The following PPP2R5C variants were observed in gnomAD, a reference collection of about 807,000 sequenced individuals.
PPP2R5C encodes protein phosphatase 2 regulatory subunit B'gamma, also known as serine/threonine-protein phosphatase 2A 56 kDa regulatory subunit gamma isoform.
Under a neutral mutation model 68.9 loss-of-function variants are expected in PPP2R5C, and 7 were observed. The ratio of observed to expected loss-of-function variants is 0.10; its 90% CI spans 0.06 to 0.19. PPP2R5C has a LOEUF of 0.19. PPP2R5C is among the 10% of genes least tolerant of loss of function. The pLI is 1.00. For missense variants in PPP2R5C, 348 were observed against 641.3 expected, an observed-to-expected ratio of 0.54 and a Z score of 4.94; for synonymous variants, 210 against 222.2, an observed-to-expected ratio of 0.95 and a Z score of 0.49.
chr14:101,885,631 C>T (rs1290168391), intron 5 of PPP2R5C, among the ~76,000 whole-genome samples: 1 of 152,244 alleles, frequency 6.6e-6, no homozygotes. Flanking sequence ...GTGTGGCTTT[C>T]CTTTGAACTC....
chr14:101,775,916 C>T (rs991990618), intron 2 of PPP2R5C, among the ~76,000 whole-genome samples: 5 of 152,074 alleles, frequency 3.3e-5, no homozygotes, highest in Non-Finnish European at 1.5e-5. Flanking sequence ...GACCCCGTGT[C>T]TGTTCAGTGG....
chr14:101,896,300 G>C (rs1226768163), intron 8 of PPP2R5C, among the ~76,000 whole-genome samples: 1 of 152,056 alleles, frequency 6.6e-6, no homozygotes, highest in South Asian at 2.1e-4. Flanking sequence ...GATAACAGGC[G>C]TAAGCCACCA....
intron 3 of PPP2R5C, among the ~76,000 whole-genome samples, chr14:101,788,218 G>A (rs777149711): frequency 1.3e-5 from 2 of 152,210 alleles, no homozygotes; most frequent in Non-Finnish European, 2.9e-5. Context: ...AAGGTTGGCC[G>A]TGTGCCCCAT....
At chr14:101,789,596 T>A (rs908302633) in intron 3 of PPP2R5C, 1 of 152,258 alleles carries the variant, frequency 6.6e-6, no homozygotes, top group Non-Finnish European at 1.5e-5. Context: ...TAATTTTCTT[T>A]AGAATATTTG....
At chr14:101,840,482 C>CAAAAAA (rs10611025) in intron 1 of PPP2R5C, among the ~76,000 whole-genome samples, 1 of 51,876 alleles carries the variant, frequency 1.9e-5, no homozygotes, top group Non-Finnish European at 3.4e-5. Context: ...CCCCCACCAC[C>CAAAAAA]AAAAAAAAAA....
upstream of PPP2R5C, among the ~76,000 whole-genome samples, chr14:101,808,924 C>G (rs1373543009): frequency 2.6e-5 from 4 of 152,204 alleles, no homozygotes; most frequent in Non-Finnish European, 5.9e-5. Context: ...ATACTCCATC[C>G]AATTCAGAAA....
At chr14:101,812,873 G>T (rs1213199513) in intron 1 of PPP2R5C, among the ~76,000 whole-genome samples, 1 of 152,216 alleles carries the variant, frequency 6.6e-6, no homozygotes, top group East Asian at 1.9e-4. Context: ...CGATCGCTTT[G>T]ACCATTATTG....
chr14:101,896,643 A>AG (rs2045350693), intron 8 of PPP2R5C, among the ~76,000 whole-genome samples: 1 of 151,446 alleles, frequency 6.6e-6, no homozygotes, highest in Non-Finnish European at 1.5e-5. Context: ...CTCCAAAAAA[A>AG]AAAAAAAAAA....
intron 2 of PPP2R5C, among the ~76,000 whole-genome samples, chr14:101,865,511 C>A (rs949804792): frequency 1.3e-5 from 2 of 152,174 alleles, no homozygotes; most frequent in Non-Finnish European, 2.9e-5. Context: ...CCAAACCATG[C>A]GATAGAGTCA....
exon 14 of PPP2R5C, chr14:101,927,906 C>G (rs1566981201): frequency 6.6e-6 from 1 of 152,192 alleles, no homozygotes; most frequent in East Asian, 1.9e-4. Context: ...TTAATATGCT[C>G]TTTTATCTAA....
intron 1 of PPP2R5C, among the ~76,000 whole-genome samples, chr14:101,821,909 T>G (rs1274644364): frequency 6.6e-6 from 1 of 152,160 alleles, no homozygotes; most frequent in African/African-American, 2.4e-5. Flanking sequence ...AGGTCACTTA[T>G]GCTTCACCAA....
chr14:101,760,616 T>C (rs1410849614), upstream of PPP2R5C: 7 of 752,622 alleles, frequency 9.3e-6, no homozygotes, highest in Middle Eastern at 6.9e-4. Flanking sequence ...GACGGGACTG[T>C]CGGGTAGGCG....
chr14:101,830,292 T>A (rs2140330051), intron 1 of PPP2R5C, among the ~76,000 whole-genome samples: 1 of 152,334 alleles, frequency 6.6e-6, no homozygotes, highest in Non-Finnish European at 1.5e-5. Flanking sequence ...CCTTTGATTA[T>A]CACAAGTAGA....
chr14:101,851,612 G>A (rs2042158083), intron 1 of PPP2R5C, among the ~76,000 whole-genome samples: 1 of 152,104 alleles, frequency 6.6e-6, no homozygotes, highest in African/African-American at 2.4e-5. Context: ...AGTTGTCACT[G>A]TCTAGGCTGG....
chr14:101,847,265 T>G (rs2140473949), intron 1 of PPP2R5C, among the ~76,000 whole-genome samples: 1 of 152,312 alleles, frequency 6.6e-6, no homozygotes, highest in East Asian at 1.9e-4. Context: ...GGTATATAAA[T>G]TATTATCAAT....
chr14:101,815,831 G>T (rs530821305), intron 1 of PPP2R5C, among the ~76,000 whole-genome samples: 1 of 152,058 alleles, frequency 6.6e-6, no homozygotes, highest in African/African-American at 2.4e-5. Context: ...CACCACGCCC[G>T]GCTATTTTTT....
At chr14:101,921,863 C>T in intron 13 of PPP2R5C, 1 of 584,352 alleles carries the variant, frequency 1.7e-6, no homozygotes, top group South Asian at 7.6e-5. Context: ...CCTTTATTTA[C>T]ATTTCCTTCA....
intron 1 of PPP2R5C, among the ~76,000 whole-genome samples, chr14:101,822,732 T>C (rs1393001248): frequency 6.6e-6 from 1 of 152,220 alleles, no homozygotes; most frequent in Non-Finnish European, 1.5e-5. Flanking sequence ...CTAATATCAG[T>C]GGATATGAAT....
rs1818613152 is a variant in PPP2R5C, at chr14:101,917,927, G to A, written c.1423G>A (p.Val475Met). 5 of 1,613,798 alleles carry A rather than the reference G, an allele frequency of 3.1e-6. No individual in the cohort carries two copies. Among genetic ancestry groups the A allele is most frequent in the Non-Finnish European group, 4.2e-6 (5 of 1,179,876 alleles). Residue 475 changes from valine (V) to methionine (M), a missense_variant, in exon 13 of 14, where the codon GTG becomes ATG. By Grantham distance (21) the Val-to-Met change is conservative (BLOSUM62 1). Around this residue, in one of 4 missense-constraint regions of PPP2R5C, gnomAD observed 118 missense variants for 108.9 expected, o/e 1.08. Coordinates refer to ENST00000334743, the Ensembl canonical transcript of PPP2R5C. The surrounding 1 kb of genome is among the most constrained non-coding windows in gnomAD (Gnocchi z 4.4). ...AGATGTGCAGATGCTGAGAAAGACA[G>A]TGAAGGACGAGGCTCATCAGGTAAA...
Sources: gnomAD v4.1 joint callset for allele counts (sites outside exome capture counted in the v4.1 genomes callset) on GRCh38, gnomAD v4.1.1 for gene constraint, gnomAD v4.1.1 regional missense constraint, Gnocchi (gnomAD v3.1) non-coding constraint, MANE v1.5 for transcripts, NCBI Gene and HGNC (gene_info 2026-07-23, HGNC 2026-07-21) for gene names.